ASXL2: variants seen among roughly 807,000 people sequenced by gnomAD.
ASXL2 encodes putative Polycomb group protein ASXL2.
In ASXL2, 23 loss-of-function variants were observed where a neutral mutation model predicts 122.0. The ratio of observed to expected loss-of-function variants is 0.19; its 90% CI spans 0.14 to 0.27. The LOEUF (loss-of-function observed/expected upper bound fraction) is 0.27. Among genes scored for constraint, ASXL2 ranks in the 10% least tolerant of loss-of-function variants. The pLI is 1.00. For missense variants in ASXL2, 1,518 were observed against 1,713.8 expected, an observed-to-expected ratio of 0.89 and a Z score of 2.02; for synonymous variants, 650 against 637.0, an observed-to-expected ratio of 1.02 and a Z score of -0.31.
At chr2:25,833,394 G>A (rs1574439448) in intron 3 of ASXL2, among the ~76,000 whole-genome samples, 1 of 152,116 alleles carries the variant, frequency 6.6e-6, no homozygotes, top group East Asian at 1.9e-4. Flanking sequence ...CTCTTCTTCT[G>A]CAAAGAATGC....
intron 1 of ASXL2, among the ~76,000 whole-genome samples, chr2:25,860,285 TG>T (rs1335735165): frequency 4.6e-5 from 7 of 151,850 alleles, no homozygotes; most frequent in African/African-American, 1.7e-4. Flanking sequence ...CACTCCAGCC[TG>T]GGCAACAAGA....
chr2:25,804,773 G>A (rs1166872893), intron 4 of ASXL2, among the ~76,000 whole-genome samples: 2 of 152,204 alleles, frequency 1.3e-5, no homozygotes, highest in Non-Finnish European at 2.9e-5. Context: ...TTGAAGGCCG[G>A]GCACGGTGGC....
intron 1 of ASXL2, among the ~76,000 whole-genome samples, chr2:25,871,287 G>A (rs563016568): frequency 5.9e-5 from 9 of 152,178 alleles, no homozygotes; most frequent in African/African-American, 1.9e-4. Flanking sequence ...GACAGCTTTC[G>A]TAGAGGGGGG....
At chr2:25,852,228 C>G (rs1274388396) in intron 1 of ASXL2, among the ~76,000 whole-genome samples, 1 of 152,144 alleles carries the variant, frequency 6.6e-6, no homozygotes, top group Non-Finnish European at 1.5e-5. Flanking sequence ...CTAAAATCAA[C>G]ACTACATAGA....
At chr2:25,753,479 C>T in intron 11 of ASXL2, 55 bp downstream of exon 11, 2 of 1,337,264 alleles carry the variant, frequency 1.5e-6, no homozygotes, top group South Asian at 1.3e-5. Flanking sequence ...TAAAGCACTA[C>T]ATGACTTATA....
chr2:25,855,453 G>A lies in ASXL2; in HGVS notation c.58-9890C>T, dbSNP rs913863244. 1.2e-4 allele frequency among the ~76,000 whole-genome samples: 19 copies of A among 152,162 alleles called. 1 individual carries two copies. The highest frequency in any genetic ancestry group is 2.6e-4 in the Non-Finnish European group (18 of 68,026). On this transcript the variant is annotated intron_variant, in intron 1 of 12. Coordinates refer to ENST00000435504, the MANE Select transcript of ASXL2 (RefSeq NM_018263.6). ...GAAGGCCAAGGCGGGCAGATTCCCT[G>A]AGGTCAGGAGTTTGAGACTAGCCTG... is the stretch of plus-strand genomic sequence containing the variant.
chr2:25,838,043 G>A (rs1260020538), intron 2 of ASXL2, among the ~76,000 whole-genome samples: 3 of 151,942 alleles, frequency 2.0e-5, no homozygotes, highest in Non-Finnish European at 4.4e-5. Context: ...AGGCTGCGGT[G>A]AGCCATGATC....
intron 3 of ASXL2, among the ~76,000 whole-genome samples, chr2:25,834,485 A>T (rs1490392484): frequency 6.6e-6 from 1 of 152,238 alleles, no homozygotes; most frequent in Admixed American, 6.5e-5. Flanking sequence ...TTAAGCTTTC[A>T]TCCACAAACT....
In ASXL2 at chr2:25,878,424, T is replaced by TTGCCACTGCTACCGCCGC. The variant is rs1422882485; in HGVS notation, c.-220_-203dup. ...GGGGCGGCCGGTCCTCTTGCTGCCG[T>TTGCCACTGCTACCGCCGC]TGCCACTGCTACCGCCGCTGCCATA... On this transcript the variant is annotated 5_prime_UTR_variant, in exon 1 of 13. Transcript: ENST00000435504. The TTGCCACTGCTACCGCCGC allele has an allele frequency of 5.0e-6, 3 of 597,944 alleles. No homozygotes were observed. The highest frequency in any genetic ancestry group is 1.9e-5 in the African/African-American group (1 of 53,528). The allele number at this position is 597,944 out of a possible 1,614,324, so 37.0% of individuals were successfully genotyped here.
At position 25,852,524 on chromosome 2, in the gene ASXL2, T is replaced by C. The variant is rs76114712; in HGVS notation, c.58-6961A>G. ...CAAATAAGTAACACAGTGATCTATATATAAAGTTCTATCAGTGTTAAAAGG... is the reference window on the plus strand; with the variant it reads ...CAAATAAGTAACACAGTGATCTATACATAAAGTTCTATCAGTGTTAAAAGG... On this transcript the variant is annotated intron_variant, in intron 1 of 12. Coordinates refer to ENST00000435504, the MANE Select transcript of ASXL2 (RefSeq NM_018263.6). Among the ~76,000 whole-genome samples, 62 of 152,362 alleles carry C rather than the reference T, an allele frequency of 4.1e-4. No homozygotes were observed. In the East Asian group the frequency reaches 0.011, roughly 27 times the overall value.
In ASXL2 at chr2:25,743,004, A is replaced by G. The variant is rs1386092860; in HGVS notation, c.3333T>C (p.Ala1111=). The change falls in exon 13 of 13, where the codon GCT becomes GCC. Residue 1111 remains alanine (A), a synonymous_variant. Transcript: ENST00000435504. ...TTGCAGGTTTGGATGTCCTTCTGCC[A>G]GCAAAACCCAGCATGAACCTCTGGC... ...STSQRFMLGF[A]GRRTSKPAMA... 2 of 1,613,936 alleles carry G rather than the reference A, an allele frequency of 1.2e-6. No homozygotes were observed. The highest frequency in any genetic ancestry group is 1.7e-6 in the Non-Finnish European group (2 of 1,179,900).
At chr2:25,803,329 G>A (rs1029116743) in intron 4 of ASXL2, among the ~76,000 whole-genome samples, 2 of 152,178 alleles carry the variant, frequency 1.3e-5, no homozygotes, top group African/African-American at 4.8e-5. Context: ...GTAAATGTAA[G>A]TAAAGCATTT....
chr2:25,814,825 C>T (rs2089214047), intron 3 of ASXL2, among the ~76,000 whole-genome samples: 1 of 152,134 alleles, frequency 6.6e-6, no homozygotes, highest in Non-Finnish European at 1.5e-5. Context: ...AAGGAGTCAT[C>T]ACTGCATGGT....
chr2:25,765,713 TCTA>T (rs1231442031), intron 8 of ASXL2, among the ~76,000 whole-genome samples: 5 of 152,336 alleles, frequency 3.3e-5, no homozygotes, highest in Admixed American at 3.3e-4. Flanking sequence ...ATTTTGTACC[TCTA>T]CATTTCTTTT....
At chr2:25,781,403 G>A (rs1574413216) in intron 5 of ASXL2, among the ~76,000 whole-genome samples, 1 of 151,432 alleles carries the variant, frequency 6.6e-6, no homozygotes. Context: ...GTCTCAAAAA[G>A]AAAAGAAAAG....
At chr2:25,814,112 C>T (rs763385605) in intron 3 of ASXL2, among the ~76,000 whole-genome samples, 1 of 151,992 alleles carries the variant, frequency 6.6e-6, no homozygotes, top group Non-Finnish European at 1.5e-5. Context: ...CCTTGCAAAT[C>T]TGGATATAAT....
intron 8 of ASXL2, among the ~76,000 whole-genome samples, chr2:25,761,605 G>A (rs35904704): frequency 0.057 from 8,619 of 150,118 alleles, 281 homozygotes; most frequent in Middle Eastern, 0.1. Flanking sequence ...CCCGGGAGGC[G>A]GAGCTTGCAG....
intron 1 of ASXL2, among the ~76,000 whole-genome samples, chr2:25,862,389 G>A (rs2089850386): frequency 6.6e-6 from 1 of 152,176 alleles, no homozygotes; most frequent in African/African-American, 2.4e-5. Flanking sequence ...ACAAAAGTAT[G>A]ATGGTACATA....
chr2:25,845,297 GT>G (rs1289195861), intron 2 of ASXL2, 183 bp downstream of exon 2: 1 of 1,054,014 alleles, frequency 9.5e-7, no homozygotes, highest in Middle Eastern at 2.2e-4. Flanking sequence ...AAACCTTCTG[GT>G]TTAAAACTTT....
Sources: allele counts gnomAD v4.1 joint callset (sites outside exome capture counted in the v4.1 genomes callset), GRCh38; gene constraint gnomAD v4.1.1; transcripts MANE v1.5; gene names NCBI Gene and HGNC (gene_info 2026-07-23, HGNC 2026-07-21).